DNM3: variants seen among roughly 807,000 people sequenced by gnomAD.
DNM3 encodes the protein dynamin 3.
A neutral mutation model predicts 101.6 loss-of-function variants in DNM3; 47 were observed. That is an observed-to-expected ratio of 0.46 (90% CI 0.37 to 0.59). The LOEUF is 0.59. Among genes scored for constraint, DNM3 ranks in the 20% least tolerant of loss-of-function variants. The pLI, the probability that DNM3 is intolerant of heterozygous loss-of-function variation, is 0.00. For missense variants in DNM3, 849 were observed against 1,085.7 expected, an observed-to-expected ratio of 0.78 and a Z score of 3.06; for synonymous variants, 385 against 387.9, an observed-to-expected ratio of 0.99 and a Z score of 0.09.
chr1:172,172,791 T>A (rs2059010359), intron 14 of DNM3, among the ~76,000 whole-genome samples: 1 of 151,786 alleles, frequency 6.6e-6, no homozygotes, highest in South Asian at 2.1e-4. Context: ...GCACTTCCCA[T>A]CCCGAGTAGG....
chr1:172,243,912 T>C (rs1465963463), intron 14 of DNM3, among the ~76,000 whole-genome samples: 3 of 152,090 alleles, frequency 2.0e-5, no homozygotes, highest in Non-Finnish European at 4.4e-5. Flanking sequence ...ATGTGCACAT[T>C]GTGCAGGTTA....
In DNM3 at chr1:172,333,411, G is replaced by A. The variant is rs879616729; in HGVS notation, c.1893+10071G>A. Among the ~76,000 whole-genome samples, 9 of 152,166 alleles carry A rather than the reference G, an allele frequency of 5.9e-5. No homozygotes were observed. The South Asian group carries it at 6.2e-4, about 11-fold the overall frequency. ...TAATGAGTATAATTGCATCGAAGCC[G>A]TACACCTGCATATTAAAATTAAGCA... On this transcript the variant is annotated intron_variant, in intron 17 of 20. Coordinates refer to ENST00000627582, the MANE Select transcript of DNM3 (RefSeq NM_015569.5).
At chr1:172,000,904 GA>G (rs1300549952) in intron 4 of DNM3, among the ~76,000 whole-genome samples, 1 of 152,086 alleles carries the variant, frequency 6.6e-6, no homozygotes, top group Non-Finnish European at 1.5e-5. Flanking sequence ...GAATGTTTCT[GA>G]AAGATGGGAG....
chr1:172,139,279 A>G (rs1572683306), intron 14 of DNM3: 3 of 192,006 alleles, frequency 1.6e-5, no homozygotes, highest in African/African-American at 4.8e-5. Flanking sequence ...GCATATTTTA[A>G]TACTGAAGTT....
Position 172,195,378 on chromosome 1 carries a change from G to A in DNM3, c.1660-58195G>A, listed in dbSNP as rs1007983029. Among the ~76,000 whole-genome samples, 3 of 151,770 alleles carry A rather than the reference G, an allele frequency of 2.0e-5. No homozygotes were observed. In the Admixed American group the frequency reaches 2.0e-4, roughly 10 times the overall value. On this transcript the variant is annotated intron_variant, in intron 14 of 20. Coordinates refer to ENST00000627582, the MANE Select transcript of DNM3 (RefSeq NM_015569.5). ...ATTATGGCACCTTCAAACAAAGACA[G>A]TTTTATTTTTCCTTTCTGATCTGTA...
At position 172,320,978 on chromosome 1, in the gene DNM3, G is replaced by A. The variant is rs200112810; in HGVS notation, c.1882-2351G>A. The stretch of plus-strand genomic sequence containing the variant: ...TATATATAAGTGGTCTTCCCCTATC[G>A]TGTATTTTTCTTAAGAGATTAAAAA... On this transcript the variant is annotated intron_variant, in intron 16 of 20. Transcript: ENST00000627582. Among the ~76,000 whole-genome samples the A allele has an allele frequency of 3.9e-5, 6 of 152,238 alleles. No individual in the cohort carries two copies. In the East Asian group the frequency reaches 5.8e-4, roughly 15 times the overall value.
chr1:172,079,920 A>C (rs1381219255), intron 11 of DNM3, among the ~76,000 whole-genome samples: 1 of 152,192 alleles, frequency 6.6e-6, no homozygotes, highest in Non-Finnish European at 1.5e-5. Context: ...GTTCCACTCC[A>C]GACCCTGTTT....
At chr1:172,257,877 AACACACAC>A (rs56955112) in intron 15 of DNM3, among the ~76,000 whole-genome samples, 10 of 145,224 alleles carry the variant, frequency 6.9e-5, no homozygotes, top group South Asian at 2.2e-4. Context: ...AACCCCCACC[AACACACAC>A]ACACACACAC....
At chr1:172,182,081 C>A (rs2059369309) in intron 14 of DNM3, among the ~76,000 whole-genome samples, 2 of 151,690 alleles carry the variant, frequency 1.3e-5, no homozygotes, top group Admixed American at 6.6e-5. Flanking sequence ...CGAACTGGAA[C>A]TTTTTACTAT....
chr1:172,181,213 G>A (rs1366998303), intron 14 of DNM3, among the ~76,000 whole-genome samples: 2 of 152,044 alleles, frequency 1.3e-5, no homozygotes, highest in Non-Finnish European at 2.9e-5. Flanking sequence ...TTTTGGCAAA[G>A]GTGATTTTAA....
chr1:172,005,326 G>T (rs1217982131), intron 4 of DNM3, among the ~76,000 whole-genome samples: 2 of 152,026 alleles, frequency 1.3e-5, no homozygotes, highest in Admixed American at 1.3e-4. Context: ...TGGTTAAAAA[G>T]CGAGTTTGTG....
chr1:171,893,141 T>C (rs914517194), intron 1 of DNM3, among the ~76,000 whole-genome samples: 3 of 152,178 alleles, frequency 2.0e-5, no homozygotes, highest in Admixed American at 6.5e-5. Context: ...GGTTGTTTCA[T>C]ACATTTGCAA....
intron 14 of DNM3, among the ~76,000 whole-genome samples, chr1:172,245,961 A>C (rs1438408596): frequency 6.6e-6 from 1 of 152,194 alleles, no homozygotes; most frequent in Non-Finnish European, 1.5e-5. Flanking sequence ...AGGAAGCATG[A>C]CTGGGAGGCC....
At chr1:172,000,706 G>T (rs1171603198) in intron 4 of DNM3, among the ~76,000 whole-genome samples, 1 of 152,038 alleles carries the variant, frequency 6.6e-6, no homozygotes, top group Non-Finnish European at 1.5e-5. Context: ...ACTGACCATT[G>T]GATCTGGCAC....
chr1:172,323,390 C>T (rs376910192), intron 17 of DNM3, 50 bp downstream of exon 17: 482 of 1,583,662 alleles, frequency 3.0e-4, no homozygotes, highest in African/African-American at 1.1e-3. Flanking sequence ...GCCCCTGCTC[C>T]GCTCCTGCAT....
At chr1:171,899,984 A>G (rs1176529390) in intron 1 of DNM3, among the ~76,000 whole-genome samples, 1 of 152,226 alleles carries the variant, frequency 6.6e-6, no homozygotes, top group Non-Finnish European at 1.5e-5. Context: ...CAAGGATGCA[A>G]GAAGGAAGCT....
chr1:171,927,808 T>G (rs2040700354), intron 2 of DNM3, among the ~76,000 whole-genome samples: 1 of 152,208 alleles, frequency 6.6e-6, no homozygotes, highest in Middle Eastern at 3.2e-3. Flanking sequence ...ATGATCTTTG[T>G]TTGTGTCCAT....
At chr1:171,998,076 A>G (rs757020787) in intron 4 of DNM3, among the ~76,000 whole-genome samples, 1 of 152,144 alleles carries the variant, frequency 6.6e-6, no homozygotes, top group Non-Finnish European at 1.5e-5. Flanking sequence ...ATCACTGTCA[A>G]GCAGCTGGTA....
At chr1:172,405,890 C>CT (rs1174370858) in intron 20 of DNM3, among the ~76,000 whole-genome samples, 1,801 of 144,998 alleles carry the variant, frequency 0.012, 22 homozygotes, top group African/African-American at 0.039. Context: ...ACTTTAGCTA[C>CT]TTTTTTTTTT....
Sources: allele counts gnomAD v4.1 joint callset (sites outside exome capture counted in the v4.1 genomes callset), GRCh38; gene constraint gnomAD v4.1.1; transcripts MANE v1.5; gene names NCBI Gene and HGNC (gene_info 2026-07-23, HGNC 2026-07-21).